Variants in CRIM1 observed in about 807,000 individuals in gnomAD.
CRIM1 encodes the protein cysteine-rich motor neuron 1 protein.
In CRIM1, 32 loss-of-function variants were observed where a neutral mutation model predicts 116.4. The ratio of observed to expected loss-of-function variants is 0.27; its 90% CI spans 0.21 to 0.37. CRIM1 has a LOEUF of 0.37. Among genes scored for constraint, CRIM1 ranks in the 10% least tolerant of loss-of-function variants. The pLI is 1.00. For missense variants in CRIM1, 1,331 were observed against 1,354.8 expected (o/e 0.98, Z 0.28); for synonymous variants, 590 against 509.2 (o/e 1.16, Z -2.13).
intron 4 of CRIM1, among the ~76,000 whole-genome samples, chr2:36,447,567 C>T (rs1372219028): frequency 6.6e-6 from 1 of 152,152 alleles, no homozygotes; most frequent in Non-Finnish European, 1.5e-5. Context: ...TGGAAAGACC[C>T]CTCTCCCTAC....
chr2:36,455,769 A>G (rs1677088474), intron 4 of CRIM1, among the ~76,000 whole-genome samples: 1 of 152,192 alleles, frequency 6.6e-6, no homozygotes, highest in South Asian at 2.1e-4. Flanking sequence ...AATGTTAGAA[A>G]CAAATTCGAG....
chr2:36,394,013 CAA>C (rs1558534048), intron 1 of CRIM1, among the ~76,000 whole-genome samples: 2 of 152,032 alleles, frequency 1.3e-5, no homozygotes, highest in Non-Finnish European at 2.9e-5. Context: ...GGTGGAGAGA[CAA>C]GAGAATAGTG....
At chr2:36,545,437 T>C (rs963881842) in intron 15 of CRIM1, among the ~76,000 whole-genome samples, 61 of 152,180 alleles carry the variant, frequency 4.0e-4, no homozygotes, top group Non-Finnish European at 5.7e-4. Flanking sequence ...TTCAACATAC[T>C]GTAAGTACGA....
chr2:36,418,617 T>C (rs1290846743), intron 2 of CRIM1, among the ~76,000 whole-genome samples: 1 of 152,126 alleles, frequency 6.6e-6, no homozygotes, highest in East Asian at 1.9e-4. Flanking sequence ...CATGTCCGGG[T>C]TCCCCTTTTC....
chr2:36,462,050 G>C (rs1403758956), intron 4 of CRIM1, among the ~76,000 whole-genome samples: 2 of 152,054 alleles, frequency 1.3e-5, no homozygotes, highest in Non-Finnish European at 2.9e-5. Context: ...CAGGAGCTGG[G>C]GTCACACCAG....
rs1019093650 is a variant in CRIM1, at chr2:36,405,580, C to G, written c.505+8793C>G. ...CATTTCCAGCAAGCCCCAGGAGAAG[C>G]TGCTGCTGCCCATTTTCACCACAGT... On this transcript the variant is annotated intron_variant, in intron 2 of 16. Coordinates refer to ENST00000280527, the MANE Select transcript of CRIM1 (RefSeq NM_016441.3). Among the ~76,000 whole-genome samples the G allele has an allele frequency of 2.0e-5, 3 of 152,322 alleles. No individual in the cohort carries two copies. In the East Asian group the frequency reaches 5.8e-4, roughly 29 times the overall value.
chr2:36,457,994 C>T (rs546503593), intron 4 of CRIM1, among the ~76,000 whole-genome samples: 2 of 152,266 alleles, frequency 1.3e-5, no homozygotes, highest in East Asian at 1.9e-4. Context: ...GACTAAAGGG[C>T]GACCTCCCAC....
Position 36,479,642 on chromosome 2 carries a change from G to C in CRIM1, c.1320G>C (p.Gln440His). Residue 440 changes from glutamine to histidine, a missense_variant, in exon 7 of 17, where the codon CAG becomes CAC. By Grantham distance (24) the Gln-to-His change is conservative. Transcript: ENST00000280527. ...ERHCVATVCG[Q>H]TCTNPVKVPG... Reference sequence around the variant, plus strand: ...ACTGCGTTGCGACCGTCTGCGGACAGACCTGCACAAACCCTGTGAAAGTGC... The same window carrying C: ...ACTGCGTTGCGACCGTCTGCGGACACACCTGCACAAACCCTGTGAAAGTGC... 6.2e-7 allele frequency: 1 copy of C among 1,614,234 alleles called. No homozygotes were observed. Among genetic ancestry groups the C allele is most frequent in the Non-Finnish European group, 8.5e-7 (1 of 1,180,042 alleles).
intron 8 of CRIM1, among the ~76,000 whole-genome samples, chr2:36,509,151 C>T (rs1681632149): frequency 6.6e-6 from 1 of 152,152 alleles, no homozygotes; most frequent in South Asian, 2.1e-4. Context: ...ATCCCTTATG[C>T]TGCATACAAT....
chr2:36,397,993 T>C (rs1672150162), intron 2 of CRIM1, among the ~76,000 whole-genome samples: 2 of 152,138 alleles, frequency 1.3e-5, no homozygotes, highest in African/African-American at 4.8e-5. Context: ...AACAATGCCA[T>C]GGGTTACCTA....
chr2:36,519,123 GGATTAACTAA>G (rs1216359410), intron 12 of CRIM1, among the ~76,000 whole-genome samples: 1 of 152,168 alleles, frequency 6.6e-6, no homozygotes, highest in Non-Finnish European at 1.5e-5. Context: ...ATGAACTTAG[GGATTAACTAA>G]GGGAGTGGCA....
rs534494382 is a variant in CRIM1, at chr2:36,522,784, A to T, written c.2428+471A>T. Among the ~76,000 whole-genome samples the T allele has an allele frequency of 3.5e-5, 5 of 144,510 alleles. No individual in the cohort carries two copies. The South Asian group carries it at 1.2e-3, about 35-fold the overall frequency. 94.8% of individuals were successfully genotyped at this position (144,510 alleles called of 152,430 possible). ...GCCACTGCACTCCAGCCTGGGTGAC[A>T]GAGCAAGACTCCATCTCAAAAAAAA... On this transcript the variant is annotated intron_variant, in intron 13 of 16. Coordinates refer to ENST00000280527, the MANE Select transcript of CRIM1 (RefSeq NM_016441.3).
intron 4 of CRIM1, among the ~76,000 whole-genome samples, chr2:36,447,328 G>A (rs929525275): frequency 3.3e-5 from 5 of 151,990 alleles, no homozygotes; most frequent in Admixed American, 1.3e-4. Context: ...GAAATATATC[G>A]GGGAATATGA....
intron 1 of CRIM1, among the ~76,000 whole-genome samples, chr2:36,381,578 A>C (rs1348285519): frequency 6.6e-6 from 1 of 152,220 alleles, no homozygotes; most frequent in Admixed American, 6.5e-5. Context: ...GACTAGACAC[A>C]CTTCTCACTT....
intron 1 of CRIM1, among the ~76,000 whole-genome samples, chr2:36,393,680 G>A (rs941827881): frequency 7.9e-5 from 12 of 152,104 alleles, no homozygotes; most frequent in African/African-American, 2.7e-4. Context: ...CTCAAAAGAG[G>A]TAACATCTGA....
At chr2:36,476,665 G>A (rs1678996563) in intron 5 of CRIM1, among the ~76,000 whole-genome samples, 1 of 152,040 alleles carries the variant, frequency 6.6e-6, no homozygotes, top group Non-Finnish European at 1.5e-5. Flanking sequence ...TTTCCTAGGG[G>A]GAATTTCTGT....
At chr2:36,435,841 A>C (rs185843299) in intron 2 of CRIM1, among the ~76,000 whole-genome samples, 1 of 152,070 alleles carries the variant, frequency 6.6e-6, no homozygotes, top group East Asian at 1.9e-4. Context: ...AAAGATTATT[A>C]AGATGATGAA....
intron 14 of CRIM1, 25 bp from the exon 15 acceptor site, chr2:36,544,349 CTT>C (rs1340915448): frequency 7.5e-7 from 1 of 1,329,780 alleles, no homozygotes; most frequent in African/African-American, 1.5e-5. Flanking sequence ...TTCATCATCT[CTT>C]AGGAAAAATG....
chr2:36,547,949 G>A (rs1014704062), intron 16 of CRIM1, among the ~76,000 whole-genome samples: 3 of 152,136 alleles, frequency 2.0e-5, no homozygotes, highest in Non-Finnish European at 4.4e-5. Flanking sequence ...TTACCATCTG[G>A]TTAACCCTTC....
Sources: gnomAD v4.1 joint callset for allele counts (sites outside exome capture counted in the v4.1 genomes callset) on GRCh38, gnomAD v4.1.1 for gene constraint, MANE v1.5 for transcripts, NCBI Gene and HGNC (gene_info 2026-07-23, HGNC 2026-07-21) for gene names.